GALNT13: variants seen among roughly 807,000 people sequenced by gnomAD.
The protein encoded by GALNT13 is polypeptide N-acetylgalactosaminyltransferase 13, also known as UDP-GalNAc:polypeptide N-acetylgalactosaminyltransferase 13.
In GALNT13, 28 loss-of-function variants were observed where a neutral mutation model predicts 64.2. That is an observed-to-expected ratio of 0.44 (90% CI 0.32 to 0.60). The LOEUF (loss-of-function observed/expected upper bound fraction) is 0.60, where lower values mean the gene tolerates loss of function less well. Ranked by LOEUF, GALNT13 falls within the 20% of genes least tolerant of loss-of-function variation. The pLI is 0.05. For synonymous variants in GALNT13, 214 were observed against 224.6 expected (o/e 0.95, Z 0.42); for missense variants, 577 against 669.8 (o/e 0.86, Z 1.53).
At chr2:153,534,031 G>A in the GALNT13 span, among the ~76,000 whole-genome samples, 1 of 151,838 alleles carries the variant, frequency 6.6e-6, no homozygotes, top group African/African-American at 2.4e-5. Flanking sequence ...GAGCCACCGT[G>A]CCTGGCATAG....
intron 9 of GALNT13, among the ~76,000 whole-genome samples, chr2:154,350,492 C>T (rs922316312): frequency 6.6e-6 from 1 of 152,338 alleles, no homozygotes; most frequent in East Asian, 1.9e-4. Context: ...CTTTCAGCCA[C>T]AGATTGAAGG....
At chr2:153,153,663 CTT>C in the GALNT13 span, among the ~76,000 whole-genome samples, 10 of 129,748 alleles carry the variant, frequency 7.7e-5, no homozygotes, top group Admixed American at 2.4e-4. Flanking sequence ...TTCCCCATTG[CTT>C]TTTTTTTTTT....
the GALNT13 span, among the ~76,000 whole-genome samples, chr2:153,072,392 AACT>A: frequency 6.6e-6 from 1 of 152,200 alleles, no homozygotes; most frequent in Admixed American, 6.5e-5. Context: ...TAAGTTTACC[AACT>A]ACACAGATCA....
chr2:153,158,453 A>C, the GALNT13 span, among the ~76,000 whole-genome samples: 1 of 152,206 alleles, frequency 6.6e-6, no homozygotes, highest in Non-Finnish European at 1.5e-5. Flanking sequence ...AATCAATTTA[A>C]AAATGATCAT....
chr2:154,361,062 G>C (rs1559112799), intron 9 of GALNT13, among the ~76,000 whole-genome samples: 1 of 152,042 alleles, frequency 6.6e-6, no homozygotes, highest in African/African-American at 2.4e-5. Flanking sequence ...GGGGAAGAAA[G>C]TAAAGTGATC....
At chr2:154,014,825 G>A (rs1466542051) in intron 3 of GALNT13, among the ~76,000 whole-genome samples, 1 of 151,456 alleles carries the variant, frequency 6.6e-6, no homozygotes, top group Non-Finnish European at 1.5e-5. Context: ...TAGAGACGGG[G>A]TTTCACTGTG....
chr2:153,342,732 T>G, the GALNT13 span, among the ~76,000 whole-genome samples: 1 of 152,126 alleles, frequency 6.6e-6, no homozygotes, highest in Non-Finnish European at 1.5e-5. Context: ...GCTTTTAAAC[T>G]GACAGCATTA....
chr2:153,156,918 T>C, the GALNT13 span, among the ~76,000 whole-genome samples: 112 of 152,306 alleles, frequency 7.4e-4, no homozygotes, highest in African/African-American at 2.6e-3. Context: ...CTGTTCCATC[T>C]GGTGTTTCTT....
the GALNT13 span, among the ~76,000 whole-genome samples, chr2:153,723,418 G>C: frequency 1.1e-4 from 16 of 149,624 alleles, no homozygotes; most frequent in South Asian, 4.2e-4. Context: ...CTCTCTCACC[G>C]CTCCTATTCA....
rs1558963146 is a variant in GALNT13, at chr2:154,110,352, GAGAGAGAGAGAGAGAGAGAGAGAGAC to G, written c.143-29961_143-29936del. Among the ~76,000 whole-genome samples the G allele has an allele frequency of 1.8e-4, 16 of 88,408 alleles. No individual in the cohort carries two copies. In the East Asian group the frequency reaches 6.6e-3, roughly 36 times the overall value. 58.0% of individuals were successfully genotyped at this position (88,408 alleles called of 152,430 possible). A position where few individuals can be genotyped will look rare whatever the true frequency, so the allele number is the denominator to read the frequency against. On this transcript the variant is annotated intron_variant, in intron 3 of 12. Coordinates refer to ENST00000392825, the MANE Select transcript of GALNT13 (RefSeq NM_052917.4). ...ATATATATATAGAGAGAGAGAGAGA[GAGAGAGAGAGAGAGAGAGAGAGAGAC>G]AGAGAGAGAGAGAGAGAGAGAGACA...
At chr2:153,333,761 C>T in the GALNT13 span, among the ~76,000 whole-genome samples, 8 of 152,146 alleles carry the variant, frequency 5.3e-5, no homozygotes, top group Non-Finnish European at 1.0e-4. Flanking sequence ...TATGAAAAGT[C>T]TTCAAATATT....
At chr2:153,393,239 A>C in the GALNT13 span, among the ~76,000 whole-genome samples, 1 of 151,538 alleles carries the variant, frequency 6.6e-6, no homozygotes, top group African/African-American at 2.4e-5. Flanking sequence ...TTTATTTTGT[A>C]GTCTCAATAA....
chr2:153,387,387 T>A, the GALNT13 span, among the ~76,000 whole-genome samples: 3 of 152,120 alleles, frequency 2.0e-5, no homozygotes, highest in Admixed American at 6.6e-5. Flanking sequence ...CACCAATGGG[T>A]ACTTTTATTT....
chr2:153,786,376 G>A, the GALNT13 span, among the ~76,000 whole-genome samples: 1 of 152,080 alleles, frequency 6.6e-6, no homozygotes, highest in African/African-American at 2.4e-5. Context: ...CGCCAGTTGG[G>A]ACTCCTGGCT....
the GALNT13 span, among the ~76,000 whole-genome samples, chr2:153,476,085 AAGAC>A: frequency 6.6e-6 from 1 of 152,210 alleles, no homozygotes; most frequent in Non-Finnish European, 1.5e-5. Flanking sequence ...ACCTGTTTAA[AAGAC>A]AGGAACAACA....
chr2:154,178,979 A>G (rs994534622), intron 4 of GALNT13, among the ~76,000 whole-genome samples: 1 of 152,172 alleles, frequency 6.6e-6, no homozygotes, highest in Non-Finnish European at 1.5e-5. Context: ...CACAGAACCA[A>G]TCTGAGATTT....
chr2:153,644,268 C>A, the GALNT13 span, among the ~76,000 whole-genome samples: 1 of 152,036 alleles, frequency 6.6e-6, no homozygotes, highest in African/African-American at 2.4e-5. Flanking sequence ...AGGCTGAAAG[C>A]ATCCTATCTA....
At chr2:153,924,733 A>C (rs1403303778) in intron 2 of GALNT13, among the ~76,000 whole-genome samples, 1 of 151,878 alleles carries the variant, frequency 6.6e-6, no homozygotes, top group Non-Finnish European at 1.5e-5. Context: ...TTGTTTTTTT[A>C]CTTTTTAATA....
chr2:153,203,415 A>G, the GALNT13 span, among the ~76,000 whole-genome samples: 3 of 152,208 alleles, frequency 2.0e-5, no homozygotes, highest in African/African-American at 7.2e-5. Context: ...GTTTAACATT[A>G]TTGAACACTT....
Sources: gnomAD v4.1 joint callset for allele counts (sites outside exome capture counted in the v4.1 genomes callset) on GRCh38, gnomAD v4.1.1 for gene constraint, MANE v1.5 for transcripts, NCBI Gene and HGNC (gene_info 2026-07-23, HGNC 2026-07-21) for gene names.